CTNNA2: variants seen among roughly 807,000 people sequenced by gnomAD.
CTNNA2 encodes catenin alpha 2, also known as catenin alpha-2.
A neutral mutation model predicts 101.0 loss-of-function variants in CTNNA2; 42 were observed. The ratio of observed to expected loss-of-function variants is 0.42; its 90% CI spans 0.32 to 0.54. CTNNA2 has a LOEUF of 0.54. Ranked by LOEUF, CTNNA2 falls within the 20% of genes least tolerant of loss-of-function variation. CTNNA2 has a pLI of 0.14. For missense variants in CTNNA2, 871 were observed against 1,223.1 expected, an observed-to-expected ratio of 0.71 and a Z score of 4.29; for synonymous variants, 450 against 456.4, an observed-to-expected ratio of 0.99 and a Z score of 0.18.
At chr2:80,435,469 T>C (rs1681945126) in intron 9 of CTNNA2, among the ~76,000 whole-genome samples, 1 of 152,196 alleles carries the variant, frequency 6.6e-6, no homozygotes, top group South Asian at 2.1e-4. Context: ...AAAGATGCCC[T>C]AGTATTCTGA....
intron 2 of CTNNA2, among the ~76,000 whole-genome samples, chr2:79,712,046 T>C (rs1268819586): frequency 1.3e-5 from 2 of 152,210 alleles, no homozygotes; most frequent in African/African-American, 2.4e-5. Context: ...ATACTGTTCA[T>C]GAGGCATTGA....
At chr2:80,256,786 A>G (rs925344137) in intron 7 of CTNNA2, among the ~76,000 whole-genome samples, 31 of 152,180 alleles carry the variant, frequency 2.0e-4, no homozygotes, top group African/African-American at 6.3e-4. Context: ...CGTAGGACAG[A>G]TTCTAGCAAA....
chr2:80,088,155 AT>A (rs1699563561), intron 7 of CTNNA2, among the ~76,000 whole-genome samples: 1 of 152,046 alleles, frequency 6.6e-6, no homozygotes, highest in South Asian at 2.1e-4. Context: ...TCATCCTAAT[AT>A]CACTGTTTTG....
chr2:79,818,849 G>GTATATATATATATATATATA, intron 3 of CTNNA2, among the ~76,000 whole-genome samples: 2 of 86,376 alleles, frequency 2.3e-5, no homozygotes, highest in South Asian at 9.2e-4. Flanking sequence ...ATATATATAT[G>GTATATATATATATATATATA]GATGTATGTG....
At chr2:80,347,263 A>T (rs1035912452) in intron 7 of CTNNA2, among the ~76,000 whole-genome samples, 1 of 152,222 alleles carries the variant, frequency 6.6e-6, no homozygotes, top group Non-Finnish European at 1.5e-5. Flanking sequence ...GTATTCCTCC[A>T]TGTGAACACT....
At chr2:80,328,204 T>G (rs775591865) in intron 7 of CTNNA2, 1 of 457,882 alleles carries the variant, frequency 2.2e-6, no homozygotes, top group African/African-American at 2.0e-5. Context: ...GATGGACTGC[T>G]TTTTTGGGTT....
In CTNNA2 at chr2:80,419,436, G is replaced by A. The variant is rs762802223; in HGVS notation, c.1138-13G>A. The A allele has an allele frequency of 1.3e-6, 2 of 1,578,678 alleles. No individual in the cohort carries two copies. Among genetic ancestry groups the A allele is most frequent in the South Asian group, 2.3e-5 (2 of 85,884 alleles). The stretch of plus-strand genomic sequence containing the variant: ...TAATTGTATGTCATTTTTTGTTTTT[G>A]TTTCAACTGTAGCTTCGGAAAGCAG... On this transcript the variant is annotated splice_polypyrimidine_tract_variant and intron_variant, in intron 8 of 18. Transcript: ENST00000402739.
chr2:80,260,068 G>A (rs539011500), intron 7 of CTNNA2, among the ~76,000 whole-genome samples: 8 of 152,218 alleles, frequency 5.3e-5, no homozygotes, highest in Admixed American at 1.3e-4. Flanking sequence ...AATGAGCTTG[G>A]TACCATTATT....
chr2:80,336,447 A>G (rs766537050), intron 7 of CTNNA2, among the ~76,000 whole-genome samples: 1 of 152,192 alleles, frequency 6.6e-6, no homozygotes, highest in Non-Finnish European at 1.5e-5. Flanking sequence ...TTGCTTTATC[A>G]GATATCTGTC....
At chr2:79,540,893 CAACTT>C (rs919186332) in intron 1 of CTNNA2, among the ~76,000 whole-genome samples, 7 of 152,190 alleles carry the variant, frequency 4.6e-5, no homozygotes, top group East Asian at 3.9e-4. Context: ...TTGCTTGAAA[CAACTT>C]AACATGGTAT....
intron 4 of CTNNA2, chr2:79,493,979 G>A (rs1011198635): frequency 6.6e-6 from 1 of 151,792 alleles, no homozygotes; most frequent in African/African-American, 2.4e-5. Flanking sequence ...CAATATTTCA[G>A]GATGGAAAAT....
chr2:79,860,898 A>G (rs1681573503), intron 4 of CTNNA2, among the ~76,000 whole-genome samples: 1 of 152,190 alleles, frequency 6.6e-6, no homozygotes, highest in Non-Finnish European at 1.5e-5. Flanking sequence ...GCAGAAGCAT[A>G]TCTTCTCAGG....
chr2:80,642,280 C>T (rs1673576406), intron 18 of CTNNA2, among the ~76,000 whole-genome samples: 1 of 152,136 alleles, frequency 6.6e-6, no homozygotes. Flanking sequence ...TTCCCTTCTC[C>T]TATCCCTACT....
intron 12 of CTNNA2, 65 bp from the exon 13 acceptor site, chr2:80,574,098 A>C: frequency 2.6e-6 from 4 of 1,536,892 alleles, no homozygotes; most frequent in Non-Finnish European, 3.6e-6. Context: ...ACTTCGCCCA[A>C]GAGCTGGAAT....
At chr2:79,392,638 A>C (rs72919153) in intron 4 of CTNNA2, among the ~76,000 whole-genome samples, 8,891 of 152,108 alleles carry the variant, frequency 0.058, 835 homozygotes, top group African/African-American at 0.2. Flanking sequence ...CATCTTTTTA[A>C]GGTTTTCTTT....
chr2:79,214,669 G>T (rs1047616241), intron 2 of CTNNA2, among the ~76,000 whole-genome samples: 1 of 152,078 alleles, frequency 6.6e-6, no homozygotes, highest in Non-Finnish European at 1.5e-5. Context: ...GGTAAGGTGG[G>T]GGGATACGAG....
At chr2:80,277,288 G>A (rs912851957) in intron 7 of CTNNA2, among the ~76,000 whole-genome samples, 2 of 152,082 alleles carry the variant, frequency 1.3e-5, no homozygotes, top group African/African-American at 4.8e-5. Context: ...ACAGATCCTT[G>A]AGTTCAGAGT....
chr2:79,833,522 C>T (rs1336438468), intron 3 of CTNNA2, among the ~76,000 whole-genome samples: 1 of 152,186 alleles, frequency 6.6e-6, no homozygotes, highest in African/African-American at 2.4e-5. Flanking sequence ...CTAGATAACA[C>T]ACTCTTCAGA....
At chr2:79,510,123 T>A (rs543008018), upstream of CTNNA2, among the ~76,000 whole-genome samples, 1 of 152,342 alleles carries the variant, frequency 6.6e-6, no homozygotes, top group East Asian at 1.9e-4. Flanking sequence ...AATTGTATTA[T>A]AATTACATAC....
Sources: gnomAD v4.1 joint callset for allele counts (sites outside exome capture counted in the v4.1 genomes callset) on GRCh38, gnomAD v4.1.1 for gene constraint, MANE v1.5 for transcripts, NCBI Gene and HGNC (gene_info 2026-07-23, HGNC 2026-07-21) for gene names.